The following EPHA6 variants were observed in gnomAD, a reference collection of about 807,000 sequenced individuals.
EPHA6 encodes EPH receptor A6, also known as ephrin type-A receptor 6.
In EPHA6, 50 loss-of-function variants were observed where a neutral mutation model predicts 112.0. The ratio of observed to expected loss-of-function variants is 0.45; its 90% CI spans 0.36 to 0.56. EPHA6 has a LOEUF of 0.56. EPHA6 is among the 20% of genes least tolerant of loss of function. The pLI is 0.00. For missense variants in EPHA6, 1,280 were observed against 1,417.4 expected (o/e 0.90, Z 1.56); for synonymous variants, 529 against 490.7 (o/e 1.08, Z -1.03).
At chr3:97,078,466 GC>G (rs2046610502) in intron 3 of EPHA6, among the ~76,000 whole-genome samples, 1 of 152,072 alleles carries the variant, frequency 6.6e-6, no homozygotes, top group Admixed American at 6.6e-5. Flanking sequence ...TGAAGTCCTT[GC>G]CCATGCCTAT....
chr3:97,725,350 A>G (rs938154912), intron 15 of EPHA6, among the ~76,000 whole-genome samples: 9 of 152,116 alleles, frequency 5.9e-5, no homozygotes, highest in Non-Finnish European at 8.8e-5. Flanking sequence ...AATGGACACT[A>G]TGATTGACCC....
intron 2 of EPHA6, among the ~76,000 whole-genome samples, chr3:96,888,642 A>G (rs1164486336): frequency 3.3e-5 from 5 of 152,202 alleles, no homozygotes; most frequent in Admixed American, 6.5e-5. Flanking sequence ...CACCAGGTCC[A>G]TAGGCTGCAC....
At chr3:97,549,672 T>C (rs2093003229) in intron 11 of EPHA6, among the ~76,000 whole-genome samples, 1 of 152,060 alleles carries the variant, frequency 6.6e-6, no homozygotes, top group Non-Finnish European at 1.5e-5. Flanking sequence ...CTGGTGGGCA[T>C]TGTGGCACAC....
At chr3:96,883,289 T>C (rs146492690) in intron 2 of EPHA6, among the ~76,000 whole-genome samples, 103 of 152,286 alleles carry the variant, frequency 6.8e-4, no homozygotes, top group African/African-American at 2.4e-3. Context: ...ATCTTACAGA[T>C]TTAAGTTTGT....
intron 3 of EPHA6, among the ~76,000 whole-genome samples, chr3:97,097,052 T>A (rs897120028): frequency 6.6e-6 from 1 of 151,662 alleles, no homozygotes; most frequent in East Asian, 1.9e-4. Context: ...ATTTCATTAA[T>A]GTTTATCATT....
At chr3:97,716,023 T>C (rs930089642) in intron 14 of EPHA6, among the ~76,000 whole-genome samples, 2 of 152,236 alleles carry the variant, frequency 1.3e-5, no homozygotes, top group African/African-American at 4.8e-5. Context: ...TTGATTAGCA[T>C]CTTTGGTAAT....
chr3:96,832,319 A>G (rs1394673888), intron 1 of EPHA6, among the ~76,000 whole-genome samples: 1 of 152,062 alleles, frequency 6.6e-6, no homozygotes, highest in Non-Finnish European at 1.5e-5. Flanking sequence ...ACTACCATCG[A>G]TAGAATATTA....
In EPHA6 at chr3:96,893,688, G is replaced by A. The variant is rs781779499; in HGVS notation, c.450+26799G>A. 1.1e-4 allele frequency among the ~76,000 whole-genome samples: 17 copies of A among 152,242 alleles called. 1 individual carries two copies. Among genetic ancestry groups the A allele is most frequent in the Admixed American group, 5.2e-4 (8 of 15,282 alleles). ...TTGGAGAAGGGCCTGTATCAGATAC[G>A]GAGAAACTTGCAGTGATCTAGCATG... On this transcript the variant is annotated intron_variant, in intron 2 of 17. Coordinates refer to ENST00000389672, the MANE Select transcript of EPHA6 (RefSeq NM_001080448.3).
chr3:97,695,037 G>A (rs1026376119), intron 14 of EPHA6, among the ~76,000 whole-genome samples: 24 of 152,274 alleles, frequency 1.6e-4, no homozygotes, highest in Admixed American at 1.0e-3. Context: ...ATGACAGCTA[G>A]TGTATTACAT....
intron 5 of EPHA6, among the ~76,000 whole-genome samples, chr3:97,297,956 G>T (rs2080936672): frequency 6.6e-6 from 1 of 151,906 alleles, no homozygotes; most frequent in African/African-American, 2.4e-5. Flanking sequence ...TAGAGACAGG[G>T]TTTCACCATG....
At chr3:97,418,937 A>G (rs1184424911) in intron 6 of EPHA6, among the ~76,000 whole-genome samples, 2 of 152,218 alleles carry the variant, frequency 1.3e-5, no homozygotes, top group East Asian at 3.8e-4. Context: ...CAGGTAATAA[A>G]TGAACGAGTA....
chr3:97,064,767 T>G (rs886067582), intron 3 of EPHA6, among the ~76,000 whole-genome samples: 1 of 152,182 alleles, frequency 6.6e-6, no homozygotes, highest in African/African-American at 2.4e-5. Context: ...CCTATTTATA[T>G]GTGTTAATTA....
intron 14 of EPHA6, among the ~76,000 whole-genome samples, chr3:97,674,815 A>G (rs550474656): frequency 6.6e-6 from 1 of 152,338 alleles, no homozygotes; most frequent in Admixed American, 6.5e-5. Flanking sequence ...ATGGCTCTAC[A>G]TCTTTCCCCT....
chr3:96,920,717 A>G (rs1024231454), intron 2 of EPHA6, among the ~76,000 whole-genome samples: 4 of 151,966 alleles, frequency 2.6e-5, no homozygotes, highest in Non-Finnish European at 5.9e-5. Flanking sequence ...ATATATGTCA[A>G]TCGGTATATT....
intron 2 of EPHA6, among the ~76,000 whole-genome samples, chr3:96,890,949 T>A (rs1283909221): frequency 6.6e-6 from 1 of 152,134 alleles, no homozygotes; most frequent in Non-Finnish European, 1.5e-5. Flanking sequence ...CAGCGAGGCA[T>A]GGTGGCACAT....
intron 2 of EPHA6, among the ~76,000 whole-genome samples, chr3:96,947,287 T>G (rs2041316312): frequency 6.6e-6 from 1 of 152,162 alleles, no homozygotes; most frequent in Non-Finnish European, 1.5e-5. Flanking sequence ...TTGCCTAGGT[T>G]TTCTTCTAGG....
In EPHA6 at chr3:96,853,347, A is replaced by T. The variant is rs565242229; in HGVS notation, c.386-13478A>T. On this transcript the variant is annotated intron_variant, in intron 1 of 17. Coordinates refer to ENST00000389672, the MANE Select transcript of EPHA6 (RefSeq NM_001080448.3). ...TAGCCACTTCAAGATGGAAGTGTCTAATCAGTGGGATCCCTATATTTAACT... is the reference window on the plus strand; with the variant it reads ...TAGCCACTTCAAGATGGAAGTGTCTTATCAGTGGGATCCCTATATTTAACT... Among the ~76,000 whole-genome samples, 9 of 152,262 alleles carry T rather than the reference A, an allele frequency of 5.9e-5. No homozygotes were observed. In the South Asian group the frequency reaches 1.0e-3, roughly 18 times the overall value.
chr3:97,226,668 C>T (rs1177272579), intron 4 of EPHA6, among the ~76,000 whole-genome samples: 1 of 152,106 alleles, frequency 6.6e-6, no homozygotes, highest in African/African-American at 2.4e-5. Context: ...GGTTTGAGGC[C>T]CTACAAGTTT....
At chr3:96,930,992 CAAAA>C (rs754917681) in intron 2 of EPHA6, among the ~76,000 whole-genome samples, 899 of 34,710 alleles carry the variant, frequency 0.026, 18 homozygotes, top group African/African-American at 0.06. Context: ...ACTCTGTCTC[CAAAA>C]AAAAAAAAAA....
Sources: gnomAD v4.1 joint callset for allele counts (sites outside exome capture counted in the v4.1 genomes callset) on GRCh38, gnomAD v4.1.1 for gene constraint, MANE v1.5 for transcripts, NCBI Gene and HGNC (gene_info 2026-07-23, HGNC 2026-07-21) for gene names.